B3GAT3: variants seen among roughly 807,000 people sequenced by gnomAD.
The protein encoded by B3GAT3 is beta-1,3-glucuronyltransferase 3, also known as galactosylgalactosylxylosylprotein 3-beta-glucuronosyltransferase 3.
B3GAT3 carries 19 observed loss-of-function variants against 33.1 expected under a neutral mutation model. The observed-to-expected ratio is 0.57, with a 90% CI of 0.40 to 0.84. The LOEUF (loss-of-function observed/expected upper bound fraction) is 0.84, where lower values mean the gene tolerates loss of function less well. Among genes scored for constraint, B3GAT3 ranks in the 40% least tolerant of loss-of-function variants. B3GAT3 has a pLI of 0.00. For missense variants in B3GAT3, 344 were observed against 441.5 expected (o/e 0.78, Z 1.98); for synonymous variants, 167 against 193.5 (o/e 0.86, Z 1.14).
At chr11:62,616,484 A>T in intron 4 of B3GAT3, 22 bp downstream of exon 4, 6 of 1,613,906 alleles carry the variant, frequency 3.7e-6, no homozygotes, top group Non-Finnish European at 5.1e-6. Flanking sequence ...CCAGGTTTCT[A>T]TGCCCATCTC....
chr11:62,620,366 G>T, intron 2 of B3GAT3, 131 bp downstream of exon 2: 1 of 876,524 alleles, frequency 1.1e-6, no homozygotes. Context: ...TATAAATGTG[G>T]TTCATTTATC....
chr11:62,621,816 G>T (rs1476581862), intron 1 of B3GAT3, 50 bp downstream of exon 1: 2 of 1,530,546 alleles, frequency 1.3e-6, no homozygotes, highest in Admixed American at 2.3e-5. Flanking sequence ...GATGCACGGC[G>T]GCGGGCGCCC....
chr11:62,619,618 G>A (rs924291874), intron 2 of B3GAT3, among the ~76,000 whole-genome samples: 7 of 145,710 alleles, frequency 4.8e-5, no homozygotes, highest in African/African-American at 7.6e-5. Context: ...TGCAACCTCC[G>A]CCGCCCAGGA....
intron 2 of B3GAT3, among the ~76,000 whole-genome samples, chr11:62,619,299 T>G (rs1019646501): frequency 3.3e-5 from 5 of 152,092 alleles, no homozygotes; most frequent in African/African-American, 1.2e-4. Context: ...GCAGGTGGGG[T>G]CTAGAGCTTC....
Position 62,617,052 on chromosome 11 carries a change from C to A in B3GAT3, c.553G>T (p.Gly185Trp). 1 of 1,614,194 alleles carries A rather than the reference C, an allele frequency of 6.2e-7. No individual in the cohort carries two copies. The highest frequency in any genetic ancestry group is 8.5e-7 in the Non-Finnish European group (1 of 1,180,042). Residue 185 changes from glycine (G) to tryptophan (W), a missense_variant, in exon 3 of 5, where the codon GGG (glycine) becomes TGG (tryptophan). Physicochemically the swap from Gly to Trp is radical, Grantham distance 184. Coordinates refer to ENST00000265471, the MANE Select transcript of B3GAT3 (RefSeq NM_012200.4). ...GCAAAGTAGACGACTCCTTGGGTCCCTGGTGGTGGTGGGTCCTTCTCCCCA... is the reference window on the plus strand; with the variant it reads ...GCAAAGTAGACGACTCCTTGGGTCCATGGTGGTGGTGGGTCCTTCTCCCCA... ...VGGEKDPPPP[G>W]TQGVVYFADD... is the part of the protein sequence containing the mutation.
chr11:62,617,267 T>C lies in B3GAT3; in HGVS notation c.338A>G (p.Asp113Gly). 1 of 1,612,840 alleles carries C rather than the reference T, an allele frequency of 6.2e-7. No homozygotes were observed. The part of the protein sequence containing the change: ...VPRLHWLLVE[D>G]AEGPTPLVSG... ...GACCAGCGGGGTGGGACCCTCAGCA[T>C]CCTCCACCAGCAGCCAATGCAGCCG... Residue 113 changes from aspartate to glycine, a missense_variant, in exon 3 of 5, where the codon GAT (aspartate) becomes GGT (glycine). Asp to Gly is a moderately conservative substitution (Grantham distance 94). Coordinates refer to ENST00000265471, the MANE Select transcript of B3GAT3 (RefSeq NM_012200.4).
Position 62,616,594 on chromosome 11 carries a change from G to A in B3GAT3, c.821C>T (p.Thr274Ile). The change falls in exon 4 of 5, where the codon ACC becomes ATC. Residue 274 changes from threonine to isoleucine, a missense_variant. Physicochemically the swap from Thr to Ile is moderately conservative, Grantham distance 89. Coordinates refer to ENST00000265471, the MANE Select transcript of B3GAT3 (RefSeq NM_012200.4). ...LDKPNAQFDSTAPRGHLESSL... is the reference protein window; with the variant it reads ...LDKPNAQFDSIAPRGHLESSL... ...GCTCTCCAGGTGGCCCCGGGGAGCG[G>A]TGGAATCAAATTGGGCATTGGGCTT... The A allele has an allele frequency of 6.2e-7, 1 of 1,614,236 alleles. No homozygotes were observed. The highest frequency in any genetic ancestry group is 8.5e-7 in the Non-Finnish European group (1 of 1,180,046).
chr11:62,616,069 C>T, intron 4 of B3GAT3: 1 of 999,512 alleles, frequency 1.0e-6, no homozygotes, highest in East Asian at 3.5e-5. Flanking sequence ...CCGTGAAACC[C>T]CGTCACTACT....
intron 2 of B3GAT3, among the ~76,000 whole-genome samples, chr11:62,618,860 G>A (rs1347907459): frequency 2.0e-5 from 3 of 151,984 alleles, no homozygotes; most frequent in Non-Finnish European, 4.4e-5. Context: ...GCGCATGCTT[G>A]TAACCCCAGC....
Position 62,617,340 on chromosome 11 carries a change from G to C in B3GAT3, c.265C>G (p.Gln89Glu). Residue 89 changes from glutamine to glutamate, a missense_variant, in exon 3 of 5, where the codon CAG becomes GAG. Physicochemically the swap from Gln to Glu is conservative, Grantham distance 29. Transcript: ENST00000265471. ...GACAGTCGTACCAGCTCTGCCTTCT[G>C]TACCAGCCTGCAGGGGAGAGATGCA... Reference protein sequence around the residue: ...VVTPTYARLVQKAELVRLSQT... With the variant: ...VVTPTYARLVEKAELVRLSQT... The C allele has an allele frequency of 6.2e-7, 1 of 1,612,200 alleles. No individual in the cohort carries two copies. Among genetic ancestry groups the C allele is most frequent in the Non-Finnish European group, 8.5e-7 (1 of 1,179,940 alleles).
rs1425316067 is a variant in B3GAT3, at chr11:62,621,973, C to G, written c.-26G>C. On this transcript the variant is annotated 5_prime_UTR_variant, in exon 1 of 5. Transcript: ENST00000265471. The stretch of plus-strand genomic sequence containing the variant: ...GGCCGCGCCGCCGCCCGCGCCCGAG[C>G]AGGCGGGGTCTGCAGGGGACGAGGG... The G allele has an allele frequency of 2.5e-6, 4 of 1,612,236 alleles. No individual in the cohort carries two copies. The highest frequency in any genetic ancestry group is 3.4e-6 in the Non-Finnish European group (4 of 1,179,072).
At position 62,615,648 on chromosome 11, in the gene B3GAT3, A is replaced by C. The variant is rs1943007030; in HGVS notation, c.*53T>G. The C allele has an allele frequency of 6.3e-7, 1 of 1,590,502 alleles. No homozygotes were observed. Among genetic ancestry groups the C allele is most frequent in the African/African-American group, 1.3e-5 (1 of 74,716 alleles). On this transcript the variant is annotated 3_prime_UTR_variant, in exon 5 of 5. Transcript: ENST00000265471. The stretch of plus-strand genomic sequence containing the variant: ...CACATCCTGGGCAGGCCTGGGGCCC[A>C]GTCCCACAAGGTCTGTGCCTGAAAA...
At chr11:62,619,558 T>G (rs1203978789) in intron 2 of B3GAT3, among the ~76,000 whole-genome samples, 3 of 152,062 alleles carry the variant, frequency 2.0e-5, no homozygotes, top group Non-Finnish European at 4.4e-5. Context: ...AACTTTTTTT[T>G]TTTTGAAATG....
intron 1 of B3GAT3, chr11:62,621,364 G>C (rs756464971): frequency 2.2e-6 from 1 of 455,766 alleles, no homozygotes; most frequent in Non-Finnish European, 4.4e-6. Context: ...AATCAGGATA[G>C]AGAATAAAAG....
At chr11:62,618,177 C>T (rs1307403964) in intron 2 of B3GAT3, among the ~76,000 whole-genome samples, 1 of 46,274 alleles carries the variant, frequency 2.2e-5, no homozygotes, top group Non-Finnish European at 3.6e-5. Context: ...AACTCTGTCT[C>T]AAAAAAAAAA....
At position 62,617,012 on chromosome 11, in the gene B3GAT3, G is replaced by A. The variant is rs753781915; in HGVS notation, c.593C>T (p.Thr198Ile). ...CTCCTCAAACAGCTCCCGGCTGTAGGTGTTGTCATCGTCAGCAAAGTAGAC... is the reference window on the plus strand; with the variant it reads ...CTCCTCAAACAGCTCCCGGCTGTAGATGTTGTCATCGTCAGCAAAGTAGAC... The part of the protein sequence containing the change: ...GVVYFADDDN[T>I]YSRELFEEMR... Residue 198 changes from threonine to isoleucine, a missense_variant, in exon 3 of 5, where the codon ACC becomes ATC. Transcript: ENST00000265471. 2.5e-6 allele frequency: 4 copies of A among 1,614,240 alleles called. No homozygotes were observed. In the Admixed American group the frequency reaches 6.7e-5, roughly 27 times the overall value.
chr11:62,616,060 C>A, intron 4 of B3GAT3: 1 of 1,050,632 alleles, frequency 9.5e-7, no homozygotes, highest in Non-Finnish European at 1.3e-6. Context: ...TGGCTAACAC[C>A]GTGAAACCCC....
At position 62,617,088 on chromosome 11, in the gene B3GAT3, C is replaced by G; in HGVS notation, c.517G>C (p.Gly173Arg). The G allele has an allele frequency of 1.2e-6, 2 of 1,614,122 alleles. No homozygotes were observed. Among genetic ancestry groups the G allele is most frequent in the Non-Finnish European group, 1.7e-6 (2 of 1,180,028 alleles). ...KALDWLRGRG[G>R]AVGGEKDPPP... is the part of the protein sequence containing the mutation. The stretch of plus-strand genomic sequence containing the variant: ...GGGTCCTTCTCCCCACCCACAGCAC[C>G]CCCTCTGCCCCGGAGCCAGTCCAGG... The change falls in exon 3 of 5, where the codon GGT (glycine) becomes CGT (arginine). Residue 173 changes from glycine (G) to arginine (R), a missense_variant. Transcript: ENST00000265471.
Position 62,615,435 on chromosome 11 carries a change from T to C in B3GAT3, c.*266A>G. ...CCAGTTACTCAGCTGCCCTCCCTCC[T>C]GGGTCCATCTGTCCTTCTGTTCCAC... On this transcript the variant is annotated 3_prime_UTR_variant, in exon 5 of 5. Coordinates refer to ENST00000265471, the MANE Select transcript of B3GAT3 (RefSeq NM_012200.4). The C allele has an allele frequency of 1.7e-6, 1 of 595,172 alleles. No individual in the cohort carries two copies. Among genetic ancestry groups the C allele is most frequent in the South Asian group, 2.0e-5 (1 of 50,836 alleles). The allele number at this position is 595,172 out of a possible 1,614,324, so 36.9% of individuals were successfully genotyped here.
Sources: gnomAD v4.1 joint callset for allele counts (sites outside exome capture counted in the v4.1 genomes callset) on GRCh38, gnomAD v4.1.1 for gene constraint, MANE v1.5 for transcripts, NCBI Gene and HGNC (gene_info 2026-07-23, HGNC 2026-07-21) for gene names.